Variants in SUSD4 observed in about 807,000 individuals in gnomAD.
SUSD4 encodes the protein sushi domain-containing protein 4.
SUSD4 carries 41 observed loss-of-function variants against 50.5 expected under a neutral mutation model. The ratio of observed to expected loss-of-function variants is 0.81; its 90% CI spans 0.63 to 1.05. The LOEUF is 1.05. Among genes scored for constraint, SUSD4 ranks in the 50% least tolerant of loss-of-function variants. The probability of loss-of-function intolerance (pLI) is 0.00; values close to 1 mark genes in which losing one functional copy is unlikely to be tolerated. For synonymous variants in SUSD4, 257 were observed against 257.3 expected (o/e 1.00, Z 0.01); for missense variants, 580 against 634.7 (o/e 0.91, Z 0.93).
chr1:223,284,614 C>G (rs1402963086), intron 3 of SUSD4, among the ~76,000 whole-genome samples: 1 of 152,096 alleles, frequency 6.6e-6, no homozygotes, highest in East Asian at 1.9e-4. Context: ...CCTCGGTATT[C>G]AACAATAGAT....
chr1:223,304,642 A>G (rs1665405189), intron 2 of SUSD4, among the ~76,000 whole-genome samples: 3 of 151,162 alleles, frequency 2.0e-5, no homozygotes, highest in Non-Finnish European at 4.4e-5. Flanking sequence ...CCTTGTCATG[A>G]TACTCAAAAA....
At chr1:223,261,283 G>A (rs1169776698) in intron 5 of SUSD4, among the ~76,000 whole-genome samples, 1 of 152,192 alleles carries the variant, frequency 6.6e-6, no homozygotes, top group African/African-American at 2.4e-5. Flanking sequence ...TTAAGAAAAT[G>A]CCTATAAAAG....
At chr1:223,324,051 T>C (rs527750599) in intron 2 of SUSD4, among the ~76,000 whole-genome samples, 1 of 151,666 alleles carries the variant, frequency 6.6e-6, no homozygotes, top group Non-Finnish European at 1.5e-5. Context: ...AAAGAGCACA[T>C]GTATTTCTTA....
chr1:223,234,390 T>C (rs1272738535), intron 5 of SUSD4, among the ~76,000 whole-genome samples: 1 of 152,230 alleles, frequency 6.6e-6, no homozygotes, highest in African/African-American at 2.4e-5. Context: ...GGCAGTGATC[T>C]TGGAGTTCCT....
At chr1:223,296,225 G>A (rs548742282) in intron 2 of SUSD4, among the ~76,000 whole-genome samples, 2 of 152,276 alleles carry the variant, frequency 1.3e-5, no homozygotes, top group Admixed American at 6.5e-5. Flanking sequence ...AGGACACAGA[G>A]TCACAAAACC....
At chr1:223,250,810 G>C (rs1008489367) in intron 5 of SUSD4, among the ~76,000 whole-genome samples, 4 of 152,186 alleles carry the variant, frequency 2.6e-5, no homozygotes, top group African/African-American at 9.7e-5. Context: ...CGGTGTACCG[G>C]GCTAGAGGCA....
chr1:223,352,088 A>C (rs962386924), intron 2 of SUSD4, among the ~76,000 whole-genome samples: 1 of 152,224 alleles, frequency 6.6e-6, no homozygotes. Context: ...TGTTAACCAC[A>C]CTACATGGAG....
intron 5 of SUSD4, among the ~76,000 whole-genome samples, chr1:223,239,386 T>G (rs1166133979): frequency 2.6e-5 from 4 of 152,092 alleles, no homozygotes; most frequent in Admixed American, 6.5e-5. Context: ...GTTATCGTTT[T>G]TTGTTTGGTG....
At chr1:223,268,305 C>T (rs1322504899) in intron 4 of SUSD4, among the ~76,000 whole-genome samples, 197 bp downstream of exon 4, 1 of 151,980 alleles carries the variant, frequency 6.6e-6, no homozygotes, top group Non-Finnish European at 1.5e-5. Flanking sequence ...GAGCAAGCTA[C>T]AAGGAGTGGT....
chr1:223,352,608 G>A (rs1402621158), intron 2 of SUSD4, among the ~76,000 whole-genome samples: 1 of 152,178 alleles, frequency 6.6e-6, no homozygotes, highest in African/African-American at 2.4e-5. Flanking sequence ...AGGCTGGACT[G>A]CAGAGGATTT....
At position 223,221,970 on chromosome 1, in the gene SUSD4, G is replaced by C. The variant is rs1391949131; in HGVS notation, c.*222C>G. On this transcript the variant is annotated 3_prime_UTR_variant, in exon 9 of 9. Coordinates refer to ENST00000366878, the MANE Select transcript of SUSD4 (RefSeq NM_017982.4). ...ACGCGAGGGCTTCCCTGCTGCCCCG[G>C]TTCCCCATGGGTCTTGGTGAATCCT... is the stretch of plus-strand genomic sequence containing the variant. 1 of 505,728 alleles carries C rather than the reference G, an allele frequency of 2.0e-6. No individual in the cohort carries two copies. The highest frequency in any genetic ancestry group is 2.0e-5 in the African/African-American group (1 of 50,994). The allele number at this position is 505,728 out of a possible 1,614,324, so 31.3% of individuals were successfully genotyped here.
At chr1:223,269,030 T>C (rs1272203570) in intron 3 of SUSD4, among the ~76,000 whole-genome samples, 1 of 152,240 alleles carries the variant, frequency 6.6e-6, no homozygotes, top group Non-Finnish European at 1.5e-5. Flanking sequence ...CCTGGTTACA[T>C]ACTTTACTGT....
At chr1:223,271,349 C>T (rs114494312) in intron 3 of SUSD4, among the ~76,000 whole-genome samples, 1,861 of 152,258 alleles carry the variant, frequency 0.012, 35 homozygotes, top group African/African-American at 0.042. Flanking sequence ...TAATGTAGAA[C>T]GCTTTCAACT....
At chr1:223,356,083 C>T (rs1668648731) in intron 2 of SUSD4, among the ~76,000 whole-genome samples, 2 of 152,018 alleles carry the variant, frequency 1.3e-5, no homozygotes, top group Admixed American at 1.3e-4. Context: ...CTCTGATGTT[C>T]CCAGTTTACC....
At chr1:223,275,643 C>G (rs554492581) in intron 3 of SUSD4, among the ~76,000 whole-genome samples, 1 of 152,274 alleles carries the variant, frequency 6.6e-6, no homozygotes, top group Admixed American at 6.5e-5. Flanking sequence ...TGGTAAATTC[C>G]GATTCTTTGT....
At chr1:223,291,488 CAAAAAAAAAAA>C (rs71572850) in intron 3 of SUSD4, among the ~76,000 whole-genome samples, 1 of 49,548 alleles carries the variant, frequency 2.0e-5, no homozygotes, top group Non-Finnish European at 3.6e-5. Context: ...GACACTGTCT[CAAAAAAAAAAA>C]AAAAAAAAAA....
Position 223,229,080 on chromosome 1 carries a change from T to G in SUSD4, c.916+117A>C. ...CCCGCAATGATATGTTTCGATATCCTGTTCCTGACACTGGGTGGGGGAGGA... is the reference window on the plus strand; with the variant it reads ...CCCGCAATGATATGTTTCGATATCCGGTTCCTGACACTGGGTGGGGGAGGA... On this transcript the variant is annotated intron_variant, in intron 6 of 8. Coordinates refer to ENST00000366878, the MANE Select transcript of SUSD4 (RefSeq NM_017982.4). The surrounding 1 kb of genome is among the most constrained non-coding windows in gnomAD (Gnocchi z 4.7). 1 of 1,076,036 alleles carries G rather than the reference T, an allele frequency of 9.3e-7. No individual in the cohort carries two copies. The highest frequency in any genetic ancestry group is 2.2e-5 in the Admixed American group (1 of 45,338). 66.7% of individuals were successfully genotyped at this position (1,076,036 alleles called of 1,614,324 possible).
intron 5 of SUSD4, among the ~76,000 whole-genome samples, chr1:223,242,467 A>G (rs1360779632): frequency 6.6e-6 from 1 of 151,768 alleles, no homozygotes; most frequent in Non-Finnish European, 1.5e-5. Context: ...AACAACCCCA[A>G]CTCCTCCACT....
rs544495779 is a variant in SUSD4, at chr1:223,264,790, A to G, written c.564T>C (p.Asn188=). 15 of 1,614,216 alleles carry G rather than the reference A, an allele frequency of 9.3e-6. No homozygotes were observed. In the South Asian group the frequency reaches 1.6e-4, roughly 18 times the overall value. Residue 188 remains asparagine, a synonymous_variant, in exon 5 of 9, where the codon AAT becomes AAC. Coordinates refer to ENST00000366878, the MANE Select transcript of SUSD4 (RefSeq NM_017982.4). ...GGAGCTCAGAGATGTTTACATAGCCATTAGAAGAGGCTAGAGGTCTCAGGC... is the reference window on the plus strand; with the variant it reads ...GGAGCTCAGAGATGTTTACATAGCCGTTAGAAGAGGCTAGAGGTCTCAGGC... ...QGCLRPLASS[N]GYVNISELQT...
Sources: gnomAD v4.1 joint callset for allele counts (sites outside exome capture counted in the v4.1 genomes callset) on GRCh38, gnomAD v4.1.1 for gene constraint, Gnocchi (gnomAD v3.1) non-coding constraint, MANE v1.5 for transcripts, NCBI Gene and HGNC (gene_info 2026-07-23, HGNC 2026-07-21) for gene names.